The following CDK8 variants were observed in gnomAD, a reference collection of about 807,000 sequenced individuals.
CDK8 encodes the protein cyclin-dependent kinase 8.
A neutral mutation model predicts 71.5 loss-of-function variants in CDK8; 29 were observed. That is an observed-to-expected ratio of 0.41 (90% confidence interval 0.30 to 0.55). The LOEUF is 0.55. Among genes scored for constraint, CDK8 ranks in the 20% least tolerant of loss-of-function variants. CDK8 has a pLI of 0.37. For missense variants in CDK8, 288 were observed against 572.6 expected (o/e 0.50, Z 5.07); for synonymous variants, 161 against 192.1 (o/e 0.84, Z 1.34).
chr13:26,300,405 C>T (rs1011846130), intron 1 of CDK8, among the ~76,000 whole-genome samples: 1 of 152,100 alleles, frequency 6.6e-6, no homozygotes, highest in Non-Finnish European at 1.5e-5. Flanking sequence ...TTTATGCTAA[C>T]TCAGAATGGC....
intron 1 of CDK8, among the ~76,000 whole-genome samples, chr13:26,317,022 C>A (rs532312184): frequency 4.6e-5 from 7 of 151,602 alleles, no homozygotes; most frequent in African/African-American, 1.7e-4. Flanking sequence ...AACCTAAAAA[C>A]CTAAAGGACA....
At chr13:26,263,646 G>C (rs1215550283) in intron 1 of CDK8, among the ~76,000 whole-genome samples, 1 of 148,404 alleles carries the variant, frequency 6.7e-6, no homozygotes, top group Non-Finnish European at 1.5e-5. Context: ...CACCATGTTG[G>C]TCAGGCTGGC....
intron 8 of CDK8, 49 bp from the exon 9 acceptor site, chr13:26,397,104 C>A: frequency 1.9e-6 from 2 of 1,052,866 alleles, no homozygotes; most frequent in Non-Finnish European, 3.0e-6. Context: ...AGCCAATGTA[C>A]AATTAACCTC....
At chr13:26,298,673 G>A (rs996647983) in intron 1 of CDK8, among the ~76,000 whole-genome samples, 2 of 152,154 alleles carry the variant, frequency 1.3e-5, no homozygotes, top group Admixed American at 1.3e-4. Context: ...GGGATTAGTT[G>A]TGCGAAAACC....
chr13:26,396,807 T>G (rs1876016820), intron 8 of CDK8, among the ~76,000 whole-genome samples: 1 of 152,096 alleles, frequency 6.6e-6, no homozygotes, highest in Non-Finnish European at 1.5e-5. Context: ...TGTATACCTA[T>G]GACAAAAGTA....
intron 1 of CDK8, among the ~76,000 whole-genome samples, chr13:26,299,457 G>C (rs1169674412): frequency 6.6e-6 from 1 of 152,146 alleles, no homozygotes; most frequent in African/African-American, 2.4e-5. Flanking sequence ...TGTGTACATG[G>C]TGCTGTCCTG....
At chr13:26,400,210 T>A in intron 9 of CDK8, 1 of 420,258 alleles carries the variant, frequency 2.4e-6, no homozygotes, top group Non-Finnish European at 4.3e-6. Context: ...GGGGTGGGGA[T>A]CCATTTGTTT....
intron 1 of CDK8, among the ~76,000 whole-genome samples, chr13:26,299,241 T>C (rs1873707798): frequency 6.6e-6 from 1 of 152,234 alleles, no homozygotes; most frequent in Non-Finnish European, 1.5e-5. Context: ...AAATCATGAC[T>C]ACTCTTAAAA....
Position 26,353,900 on chromosome 13 carries a change from G to A in CDK8, c.456+20G>A, listed in dbSNP as rs372258769. 9.1e-5 allele frequency: 146 copies of A among 1,608,402 alleles called. No homozygotes were observed. Among genetic ancestry groups the A allele is most frequent in the Non-Finnish European group, 1.2e-4 (139 of 1,175,182 alleles). ...GATTTGGTAAGTTGACCTGTAATTG[G>A]TTTAAACTAGAAAGATGCATTACAG... On this transcript the variant is annotated intron_variant, in intron 4 of 12. Coordinates refer to ENST00000381527, the MANE Select transcript of CDK8 (RefSeq NM_001260.3).
intron 1 of CDK8, among the ~76,000 whole-genome samples, chr13:26,319,851 G>A (rs896188919): frequency 6.6e-6 from 1 of 151,992 alleles, no homozygotes; most frequent in African/African-American, 2.4e-5. Context: ...AAAATAATAC[G>A]GTACTGGCAT....
chr13:26,324,502 A>G (rs1057432544), intron 1 of CDK8, among the ~76,000 whole-genome samples: 2 of 152,184 alleles, frequency 1.3e-5, no homozygotes, highest in Non-Finnish European at 2.9e-5. Flanking sequence ...CACTTCAGAA[A>G]TGTTCAGGTG....
At chr13:26,325,193 A>G (rs1176604229) in intron 1 of CDK8, among the ~76,000 whole-genome samples, 3 of 152,206 alleles carry the variant, frequency 2.0e-5, no homozygotes, top group African/African-American at 7.2e-5. Context: ...TTGCTAGGAA[A>G]TTCCCACAAA....
intron 4 of CDK8, among the ~76,000 whole-genome samples, chr13:26,377,090 C>T (rs533599653): frequency 6.6e-6 from 1 of 152,352 alleles, no homozygotes; most frequent in South Asian, 2.1e-4. Flanking sequence ...AGTCAAATAA[C>T]TTTCATTCCC....
At chr13:26,287,084 G>A (rs1205751793) in intron 1 of CDK8, among the ~76,000 whole-genome samples, 1 of 152,152 alleles carries the variant, frequency 6.6e-6, no homozygotes, top group African/African-American at 2.4e-5. Context: ...AAACAGTATG[G>A]AGATTCCTTA....
At chr13:26,386,200 T>C (rs2138052036) in intron 6 of CDK8, among the ~76,000 whole-genome samples, 1 of 152,320 alleles carries the variant, frequency 6.6e-6, no homozygotes, top group South Asian at 2.1e-4. Context: ...ACTTTGTCAA[T>C]GTTGACATTG....
chr13:26,273,983 TTC>T (rs1872451597), intron 1 of CDK8, among the ~76,000 whole-genome samples: 1 of 152,216 alleles, frequency 6.6e-6, no homozygotes, highest in African/African-American at 2.4e-5. Flanking sequence ...TTCTAAATCT[TTC>T]TGTTGTTTTA....
At chr13:26,320,006 CTG>C (rs1874697442) in intron 1 of CDK8, among the ~76,000 whole-genome samples, 1 of 152,078 alleles carries the variant, frequency 6.6e-6, no homozygotes, top group African/African-American at 2.4e-5. Flanking sequence ...ACTGATAAAA[CTG>C]TATATCGACA....
At position 26,401,784 on chromosome 13, in the gene CDK8, A is replaced by G. The variant is rs2138076084; in HGVS notation, c.1269+160A>G. Reference sequence around the variant, plus strand: ...GGCATGGAAAAGTACTGACAGTGGTATGGTAGCAAGGGTTTAGACTTTTGA... The same window carrying G: ...GGCATGGAAAAGTACTGACAGTGGTGTGGTAGCAAGGGTTTAGACTTTTGA... On this transcript the variant is annotated intron_variant, in intron 12 of 12. Transcript: ENST00000381527. The surrounding 1 kb of genome is among the most constrained non-coding windows in gnomAD (Gnocchi z 4.5). 6.6e-6 allele frequency among the ~76,000 whole-genome samples: 1 copy of G among 152,358 alleles called. No homozygotes were observed. The highest frequency in any genetic ancestry group is 6.5e-5 in the Admixed American group (1 of 15,308).
intron 1 of CDK8, among the ~76,000 whole-genome samples, chr13:26,307,338 T>C (rs991047347): frequency 5.9e-5 from 9 of 152,108 alleles, no homozygotes; most frequent in South Asian, 2.1e-4. Context: ...GATAGAAAAG[T>C]CAGAGAAGGA....
Sources: gnomAD v4.1 joint callset for allele counts (sites outside exome capture counted in the v4.1 genomes callset) on GRCh38, gnomAD v4.1.1 for gene constraint, Gnocchi (gnomAD v3.1) non-coding constraint, MANE v1.5 for transcripts, NCBI Gene and HGNC (gene_info 2026-07-23, HGNC 2026-07-21) for gene names.